FRMD4A: variants seen among roughly 807,000 people sequenced by gnomAD.
FRMD4A encodes the protein FERM domain containing 4A.
Under a neutral mutation model 129.1 loss-of-function variants are expected in FRMD4A, and 29 were observed. That is an observed-to-expected ratio of 0.22 (90% confidence interval 0.17 to 0.31). FRMD4A has a LOEUF of 0.31. Among genes scored for constraint, FRMD4A ranks in the 10% least tolerant of loss-of-function variants. The probability of loss-of-function intolerance (pLI) is 1.00; values close to 1 mark genes in which losing one functional copy is unlikely to be tolerated. For missense variants in FRMD4A, 1,272 were observed against 1,375.8 expected, an observed-to-expected ratio of 0.92 and a Z score of 1.19; for synonymous variants, 634 against 571.6, an observed-to-expected ratio of 1.11 and a Z score of -1.56.
At chr10:13,680,869 C>G (rs1267205292) in intron 15 of FRMD4A, among the ~76,000 whole-genome samples, 1 of 152,010 alleles carries the variant, frequency 6.6e-6, no homozygotes, top group Non-Finnish European at 1.5e-5. Context: ...CATAGTGAGA[C>G]CCCTGCTCTA....
At chr10:14,254,602 C>A (rs1844547358) in intron 2 of FRMD4A, among the ~76,000 whole-genome samples, 1 of 152,104 alleles carries the variant, frequency 6.6e-6, no homozygotes, top group South Asian at 2.1e-4. Context: ...GGGGTTCTTG[C>A]CAACTTCTTA....
At chr10:14,012,780 A>G (rs2095686648) in intron 2 of FRMD4A, among the ~76,000 whole-genome samples, 1 of 152,140 alleles carries the variant, frequency 6.6e-6, no homozygotes, top group African/African-American at 2.4e-5. Context: ...TATTTGTCCA[A>G]TCTTTTGCCC....
chr10:14,205,664 G>A (rs1274938297), intron 2 of FRMD4A, among the ~76,000 whole-genome samples: 2 of 152,022 alleles, frequency 1.3e-5, no homozygotes, highest in African/African-American at 2.4e-5. Context: ...AAAATTAGCT[G>A]GGTGTGGTGG....
intron 13 of FRMD4A, 142 bp from the exon 14 acceptor site, chr10:13,701,620 C>T (rs919372716): frequency 1.2e-5 from 8 of 680,886 alleles, no homozygotes; most frequent in South Asian, 3.6e-5. Context: ...TACACCTAGG[C>T]GTACACACAC....
chr10:13,644,055 T>C lies in FRMD4A; in HGVS notation c.*2983A>G, dbSNP rs1449469183. 6.6e-6 allele frequency: 1 copy of C among 152,656 alleles called. No homozygotes were observed. The allele number at this position is 152,656 out of a possible 1,614,324, so 9.5% of individuals were successfully genotyped here. ...CAGTAACTGGTCATCTGATAGCACC[T>C]GGATGGGGTTTGCTATATTTAGAAC... On this transcript the variant is annotated 3_prime_UTR_variant, in exon 25 of 25. Coordinates refer to ENST00000357447, the MANE Select transcript of FRMD4A (RefSeq NM_018027.5).
At chr10:13,837,441 C>G (rs1341508893) in intron 3 of FRMD4A, among the ~76,000 whole-genome samples, 1 of 152,196 alleles carries the variant, frequency 6.6e-6, no homozygotes, top group Admixed American at 6.5e-5. Flanking sequence ...GAATTCCAGC[C>G]AAGATTCCTG....
intron 8 of FRMD4A, among the ~76,000 whole-genome samples, chr10:13,754,408 A>G (rs191799798): frequency 7.3e-4 from 111 of 152,328 alleles, no homozygotes; most frequent in African/African-American, 2.5e-3. Context: ...TTCTGTAACA[A>G]TTTATAACTT....
chr10:13,809,414 C>T (rs1025978612), intron 4 of FRMD4A, among the ~76,000 whole-genome samples: 2 of 152,152 alleles, frequency 1.3e-5, no homozygotes, highest in Admixed American at 6.5e-5. Context: ...AAAATAGTCT[C>T]AACAGCAATT....
chr10:14,265,216 T>C (rs1427543983), intron 2 of FRMD4A, among the ~76,000 whole-genome samples: 1 of 152,226 alleles, frequency 6.6e-6, no homozygotes, highest in African/African-American at 2.4e-5. Context: ...GCCAAGGTGA[T>C]AGGACAACCT....
At chr10:13,725,224 T>C (rs2089800595) in intron 12 of FRMD4A, among the ~76,000 whole-genome samples, 2 of 152,194 alleles carry the variant, frequency 1.3e-5, no homozygotes, top group African/African-American at 4.8e-5. Flanking sequence ...TGGCTCACAA[T>C]TGTGTAGAAT....
At chr10:13,767,167 T>C (rs1012806507) in intron 6 of FRMD4A, among the ~76,000 whole-genome samples, 8 of 152,176 alleles carry the variant, frequency 5.3e-5, no homozygotes, top group African/African-American at 1.9e-4. Context: ...AGCAGAAATG[T>C]GCTCCCATAT....
At chr10:13,936,230 C>T (rs1013011395) in intron 2 of FRMD4A, among the ~76,000 whole-genome samples, 29 of 152,158 alleles carry the variant, frequency 1.9e-4, no homozygotes, top group Non-Finnish European at 2.6e-4. Flanking sequence ...AAGTAAAGAG[C>T]TTCAACTGGA....
chr10:14,180,797 G>T (rs534256218), intron 2 of FRMD4A, among the ~76,000 whole-genome samples: 6 of 152,192 alleles, frequency 3.9e-5, no homozygotes, highest in Non-Finnish European at 5.9e-5. Flanking sequence ...TCACCCATGC[G>T]CAGTGATGGG....
At position 14,323,098 on chromosome 10, in the gene FRMD4A, C is replaced by A. The variant is rs1002251112; in HGVS notation, c.45+6960G>T. The stretch of plus-strand genomic sequence containing the variant: ...ATGGCTCACATGGCCACAGGAACAT[C>A]TGTTTTTCTAAAAGCGTTAGCTGAT... On this transcript the variant is annotated intron_variant, in intron 2 of 24. Transcript: ENST00000357447. Among the ~76,000 whole-genome samples the A allele has an allele frequency of 8.9e-4, 136 of 152,298 alleles. 1 individual carries two copies. Among genetic ancestry groups the A allele is most frequent in the African/African-American group, 3.0e-3 (125 of 41,564 alleles).
intron 2 of FRMD4A, among the ~76,000 whole-genome samples, chr10:14,092,967 A>G (rs534419995): frequency 1.3e-5 from 2 of 152,220 alleles, no homozygotes; most frequent in Non-Finnish European, 2.9e-5. Context: ...TGTAAAGTCA[A>G]TATGATTGGC....
rs571871731 is a variant in FRMD4A, at chr10:14,026,539, G to A, written c.46-167627C>T. On this transcript the variant is annotated intron_variant, in intron 2 of 24. Transcript: ENST00000357447. ...ACAGCAGGTGTCTCTTGTTAGGAAC[G>A]GCATAGGAAGGGGCGGGCAGTGCTG... Among the ~76,000 whole-genome samples the A allele has an allele frequency of 4.6e-5, 7 of 152,164 alleles. No individual in the cohort carries two copies. In the South Asian group the frequency reaches 1.0e-3, roughly 23 times the overall value.
At chr10:14,160,657 A>T (rs2131868612) in intron 2 of FRMD4A, among the ~76,000 whole-genome samples, 1 of 152,340 alleles carries the variant, frequency 6.6e-6, no homozygotes, top group South Asian at 2.1e-4. Flanking sequence ...TTCTCAAAAG[A>T]AGACATACAA....
chr10:14,230,164 A>T (rs1843588789), intron 2 of FRMD4A, among the ~76,000 whole-genome samples: 2 of 152,236 alleles, frequency 1.3e-5, no homozygotes, highest in Non-Finnish European at 2.9e-5. Context: ...TACAGTCCAT[A>T]GAAGTTCACC....
chr10:13,670,335 C>T (rs2083412955), intron 17 of FRMD4A, 71 bp downstream of exon 17: 3 of 1,518,014 alleles, frequency 2.0e-6, no homozygotes, highest in African/African-American at 2.8e-5. Context: ...TACAGAAAAC[C>T]TGGAAGGCCT....
Sources: allele counts gnomAD v4.1 joint callset (sites outside exome capture counted in the v4.1 genomes callset), GRCh38; gene constraint gnomAD v4.1.1; transcripts MANE v1.5; gene names NCBI Gene and HGNC (gene_info 2026-07-23, HGNC 2026-07-21).